ELF5: variants seen among roughly 807,000 people sequenced by gnomAD.
ELF5 encodes the protein E74 like ETS transcription factor 5.
A neutral mutation model predicts 38.2 loss-of-function variants in ELF5; 31 were observed. That is an observed-to-expected ratio of 0.81 (90% CI 0.61 to 1.10). ELF5 has a LOEUF of 1.10. Among genes scored for constraint, ELF5 ranks in the 50% least tolerant of loss-of-function variants. The probability of loss-of-function intolerance (pLI) is 0.00; values close to 1 mark genes in which losing one functional copy is unlikely to be tolerated. For synonymous variants in ELF5, 121 were observed against 112.5 expected (o/e 1.08, Z -0.48); for missense variants, 300 against 306.6 (o/e 0.98, Z 0.16).
intron 2 of ELF5, among the ~76,000 whole-genome samples, chr11:34,504,276 A>C (rs552580857): frequency 6.6e-6 from 1 of 152,298 alleles, no homozygotes; most frequent in South Asian, 2.1e-4. Context: ...TACATTTCTC[A>C]TGTCTTTCTG....
intron 6 of ELF5, among the ~76,000 whole-genome samples, chr11:34,480,546 A>G (rs575344874): frequency 2.6e-5 from 4 of 152,236 alleles, no homozygotes; most frequent in African/African-American, 9.6e-5. Context: ...TGGGCGTGTG[A>G]GATGGCCTGG....
chr11:34,487,970 C>T (rs906897552), intron 4 of ELF5, among the ~76,000 whole-genome samples: 2 of 152,106 alleles, frequency 1.3e-5, no homozygotes, highest in Non-Finnish European at 2.9e-5. Context: ...ACCTCGTGAC[C>T]TCCGCACTGG....
At chr11:34,507,169 C>T (rs1338201110) in intron 1 of ELF5, among the ~76,000 whole-genome samples, 1 of 152,238 alleles carries the variant, frequency 6.6e-6, no homozygotes, top group Non-Finnish European at 1.5e-5. Context: ...TGTATATATA[C>T]TATCTCGCCT....
intron 2 of ELF5, among the ~76,000 whole-genome samples, chr11:34,497,184 C>T (rs983936680): frequency 6.6e-6 from 1 of 152,114 alleles, no homozygotes; most frequent in African/African-American, 2.4e-5. Context: ...GGTTATATAC[C>T]CGCAGAATAT....
chr11:34,501,006 C>T (rs944606694), intron 2 of ELF5, among the ~76,000 whole-genome samples: 1 of 152,164 alleles, frequency 6.6e-6, no homozygotes, highest in African/African-American at 2.4e-5. Flanking sequence ...CATGTTGTCC[C>T]TAACACAATG....
intron 3 of ELF5, 31 bp downstream of exon 3, chr11:34,493,448 C>A: frequency 6.3e-7 from 1 of 1,598,886 alleles, no homozygotes; most frequent in South Asian, 1.1e-5. Context: ...CCTGGTCCCT[C>A]CCCTGGAGGT....
At chr11:34,507,307 T>C (rs1279861174) in intron 1 of ELF5, among the ~76,000 whole-genome samples, 1 of 152,256 alleles carries the variant, frequency 6.6e-6, no homozygotes, top group East Asian at 1.9e-4. Flanking sequence ...TTTAGCACTT[T>C]AGCTATATTC....
At chr11:34,509,471 G>A (rs1016285598) in intron 1 of ELF5, among the ~76,000 whole-genome samples, 147 of 152,300 alleles carry the variant, frequency 9.7e-4, no homozygotes, top group African/African-American at 3.2e-3. Context: ...AAGTCTCTTT[G>A]CTGATGCCTG....
At chr11:34,502,332 AG>A (rs1850492964) in intron 2 of ELF5, among the ~76,000 whole-genome samples, 1 of 152,234 alleles carries the variant, frequency 6.6e-6, no homozygotes, top group African/African-American at 2.4e-5. Context: ...TAAGGACCTC[AG>A]GAGAGGTATC....
At chr11:34,498,314 G>A (rs1046049042) in intron 2 of ELF5, among the ~76,000 whole-genome samples, 4 of 151,916 alleles carry the variant, frequency 2.6e-5, no homozygotes, top group African/African-American at 4.8e-5. Flanking sequence ...TGGGCTTCCC[G>A]TGTCACCACT....
chr11:34,489,273 T>C (rs1172106057), intron 4 of ELF5, among the ~76,000 whole-genome samples: 2 of 152,090 alleles, frequency 1.3e-5, no homozygotes, highest in Non-Finnish European at 2.9e-5. Context: ...ATAAGAACAG[T>C]CCCTCTGTGT....
At chr11:34,487,790 C>T (rs946754202) in intron 4 of ELF5, among the ~76,000 whole-genome samples, 1 of 152,134 alleles carries the variant, frequency 6.6e-6, no homozygotes, top group Non-Finnish European at 1.5e-5. Flanking sequence ...TGGCAGCCAC[C>T]TGTGGCTATT....
At chr11:34,496,812 C>T (rs189244532) in intron 2 of ELF5, among the ~76,000 whole-genome samples, 1 of 152,240 alleles carries the variant, frequency 6.6e-6, no homozygotes, top group Non-Finnish European at 1.5e-5. Flanking sequence ...GATTGCCGTT[C>T]CGGGGACTGA....
chr11:34,500,909 C>CTCACA (rs1021236025), intron 2 of ELF5, among the ~76,000 whole-genome samples: 39 of 152,174 alleles, frequency 2.6e-4, no homozygotes, highest in African/African-American at 8.9e-4. Context: ...CAAATAAAAT[C>CTCACA]TCACATTGTG....
chr11:34,480,151 T>C lies in ELF5; in HGVS notation c.*67A>G. The C allele has an allele frequency of 7.7e-7, 1 of 1,294,212 alleles. No individual in the cohort carries two copies. Among genetic ancestry groups the C allele is most frequent in the Non-Finnish European group, 1.1e-6 (1 of 912,692 alleles). The allele number at this position is 1,294,212 out of a possible 1,614,324, so 80.2% of individuals were successfully genotyped here. ...AGAGAAGAAAATGAAGCCTTTCGAA[T>C]GTCTATTGCAATCTGATTGTTTTAA... On this transcript the variant is annotated 3_prime_UTR_variant, in exon 7 of 7. Coordinates refer to ENST00000257832, the MANE Select transcript of ELF5 (RefSeq NM_001422.4).
chr11:34,486,055 G>C (rs1396941144), intron 4 of ELF5, among the ~76,000 whole-genome samples: 1 of 152,118 alleles, frequency 6.6e-6, no homozygotes, highest in South Asian at 2.1e-4. Context: ...TTAAAATGTG[G>C]CCAAAGGATG....
chr11:34,504,320 T>G (rs541540105), intron 2 of ELF5, among the ~76,000 whole-genome samples: 1 of 152,334 alleles, frequency 6.6e-6, no homozygotes, highest in South Asian at 2.1e-4. Context: ...TAAAGGAGAA[T>G]TGTAAGATGT....
At chr11:34,486,117 G>A (rs1293018983) in intron 4 of ELF5, among the ~76,000 whole-genome samples, 1 of 152,116 alleles carries the variant, frequency 6.6e-6, no homozygotes, top group African/African-American at 2.4e-5. Context: ...GGGGGCCTGA[G>A]TTGCAGGGTT....
intron 5 of ELF5, among the ~76,000 whole-genome samples, chr11:34,481,624 T>G (rs1389218366): frequency 7.2e-5 from 11 of 152,140 alleles, no homozygotes; most frequent in Non-Finnish European, 1.6e-4. Context: ...GGCAGCATGG[T>G]TGTACTGATT....
Sources: gnomAD v4.1 joint callset for allele counts (sites outside exome capture counted in the v4.1 genomes callset) on GRCh38, gnomAD v4.1.1 for gene constraint, MANE v1.5 for transcripts, NCBI Gene and HGNC (gene_info 2026-07-23, HGNC 2026-07-21) for gene names.